The following PRKCA variants were observed in gnomAD, a reference collection of about 807,000 sequenced individuals.
The protein encoded by PRKCA is protein kinase C alpha type.
Under a neutral mutation model 87.0 loss-of-function variants are expected in PRKCA, and 27 were observed. That is an observed-to-expected ratio of 0.31 (90% CI 0.23 to 0.43). The LOEUF (loss-of-function observed/expected upper bound fraction) is 0.43, where lower values mean the gene tolerates loss of function less well. Among genes scored for constraint, PRKCA ranks in the 20% least tolerant of loss-of-function variants. The pLI, the probability that PRKCA is intolerant of heterozygous loss-of-function variation, is 1.00. For synonymous variants in PRKCA, 329 were observed against 311.1 expected (o/e 1.06, Z -0.61); for missense variants, 518 against 852.3 (o/e 0.61, Z 4.88).
chr17:66,607,712 C>T (rs1189584413), intron 3 of PRKCA, among the ~76,000 whole-genome samples: 2 of 152,106 alleles, frequency 1.3e-5, no homozygotes, highest in African/African-American at 4.8e-5. Context: ...CACAAGCAGT[C>T]CGGTATTTGG....
intron 13 of PRKCA, among the ~76,000 whole-genome samples, chr17:66,754,417 C>A (rs548564125): frequency 6.6e-6 from 1 of 152,226 alleles, no homozygotes; most frequent in East Asian, 1.9e-4. Flanking sequence ...CTGGCCCCAT[C>A]TGCCACCTCC....
chr17:66,548,476 G>C (rs1968216491), intron 3 of PRKCA, among the ~76,000 whole-genome samples: 1 of 152,164 alleles, frequency 6.6e-6, no homozygotes, highest in Admixed American at 6.5e-5. Flanking sequence ...TTAGCAAGCT[G>C]CCTACCAGGC....
chr17:66,757,848 T>C (rs1198010274), intron 13 of PRKCA, among the ~76,000 whole-genome samples: 2 of 152,094 alleles, frequency 1.3e-5, no homozygotes, highest in African/African-American at 4.8e-5. Context: ...CCTCAGCCTC[T>C]CGAGTAGCTG....
At chr17:66,648,576 A>G (rs1003761404) in intron 5 of PRKCA, among the ~76,000 whole-genome samples, 6 of 152,210 alleles carry the variant, frequency 3.9e-5, no homozygotes, top group African/African-American at 1.4e-4. Context: ...TCTATTTTTA[A>G]AGTACAGTTA....
chr17:66,646,283 G>A lies in PRKCA; in HGVS notation c.529+772G>A, dbSNP rs188274114. Among the ~76,000 whole-genome samples the A allele has an allele frequency of 6.0e-4, 92 of 152,284 alleles. No individual in the cohort carries two copies. The East Asian group carries it at 9.5e-3, about 16-fold the overall frequency. On this transcript the variant is annotated intron_variant, in intron 5 of 16. Coordinates refer to ENST00000413366, the MANE Select transcript of PRKCA (RefSeq NM_002737.3). ...CTCTGCCACAACATGGCTTTTTCCT[G>A]TGGTTTTCCCACCAAATCCACTTTC...
At chr17:66,627,962 T>C (rs1009392090) in intron 3 of PRKCA, among the ~76,000 whole-genome samples, 2 of 152,210 alleles carry the variant, frequency 1.3e-5, no homozygotes, top group African/African-American at 4.8e-5. Context: ...TGTGGAGGCT[T>C]TGAGCAGTCA....
At chr17:66,437,620 G>A (rs1913464257) in intron 2 of PRKCA, among the ~76,000 whole-genome samples, 2 of 151,970 alleles carry the variant, frequency 1.3e-5, no homozygotes, top group African/African-American at 4.8e-5. Flanking sequence ...TTGCTTGGCA[G>A]TCCCCCGAGC....
At chr17:66,631,065 C>G (rs1970998397) in intron 3 of PRKCA, among the ~76,000 whole-genome samples, 1 of 152,120 alleles carries the variant, frequency 6.6e-6, no homozygotes, top group African/African-American at 2.4e-5. Context: ...TCTGCCATTT[C>G]TTTTTTTCCT....
chr17:66,309,023 A>C (rs1904962853), intron 2 of PRKCA, among the ~76,000 whole-genome samples: 1 of 152,178 alleles, frequency 6.6e-6, no homozygotes, highest in Non-Finnish European at 1.5e-5. Flanking sequence ...TATTCCTCAT[A>C]CATCAGATTA....
chr17:66,367,708 A>G (rs984399289), intron 2 of PRKCA, among the ~76,000 whole-genome samples: 2 of 152,202 alleles, frequency 1.3e-5, no homozygotes, highest in African/African-American at 4.8e-5. Context: ...TCCTGGCCTC[A>G]TAAGACCAGG....
intron 3 of PRKCA, among the ~76,000 whole-genome samples, chr17:66,548,540 A>G (rs895882411): frequency 6.6e-6 from 1 of 152,168 alleles, no homozygotes; most frequent in Non-Finnish European, 1.5e-5. Flanking sequence ...ACAACAACCC[A>G]TTAAGATAGG....
intron 2 of PRKCA, among the ~76,000 whole-genome samples, chr17:66,410,491 T>TA (rs1170580255): frequency 4.6e-5 from 7 of 152,184 alleles, no homozygotes; most frequent in Non-Finnish European, 8.8e-5. Context: ...CACCTTAGCT[T>TA]AAAAAATATT....
chr17:66,380,942 T>TA (rs1567799637), intron 2 of PRKCA, among the ~76,000 whole-genome samples: 3 of 143,262 alleles, frequency 2.1e-5, no homozygotes, highest in South Asian at 4.5e-4. Flanking sequence ...TTTTTATTTT[T>TA]CTTTTTTTTT....
At chr17:66,758,229 T>G (rs1263305990) in intron 13 of PRKCA, among the ~76,000 whole-genome samples, 1 of 152,202 alleles carries the variant, frequency 6.6e-6, no homozygotes, top group Non-Finnish European at 1.5e-5. Flanking sequence ...CAGAAAATTT[T>G]TGTGCTCTGA....
chr17:66,711,043 AAAAATAAATAAAT>A (rs1179053807), intron 8 of PRKCA, among the ~76,000 whole-genome samples: 5 of 151,974 alleles, frequency 3.3e-5, no homozygotes, highest in African/African-American at 1.2e-4. Context: ...ACTCCATCTC[AAAAATAAATAAAT>A]AAAATAAATA....
chr17:66,360,353 C>G (rs1908316152), intron 2 of PRKCA, among the ~76,000 whole-genome samples: 1 of 152,110 alleles, frequency 6.6e-6, no homozygotes, highest in African/African-American at 2.4e-5. Context: ...AGGGGAAAGG[C>G]CTGGAGAGCA....
At chr17:66,781,545 C>T (rs1003554130) in intron 14 of PRKCA, among the ~76,000 whole-genome samples, 2 of 152,118 alleles carry the variant, frequency 1.3e-5, no homozygotes, top group African/African-American at 2.4e-5. Flanking sequence ...TTACTGATAC[C>T]GGAAGGCACA....
intron 2 of PRKCA, among the ~76,000 whole-genome samples, chr17:66,471,236 C>T (rs1235431706): frequency 6.6e-6 from 1 of 152,194 alleles, no homozygotes; most frequent in African/African-American, 2.4e-5. Flanking sequence ...GTAAGTGATA[C>T]ATCACAAAGA....
chr17:66,530,585 C>T (rs1010714613), intron 3 of PRKCA, among the ~76,000 whole-genome samples: 4 of 152,134 alleles, frequency 2.6e-5, no homozygotes, highest in Non-Finnish European at 5.9e-5. Context: ...CATTCTCTGT[C>T]CTTTGCTCCA....
Sources: gnomAD v4.1 joint callset for allele counts (sites outside exome capture counted in the v4.1 genomes callset) on GRCh38, gnomAD v4.1.1 for gene constraint, MANE v1.5 for transcripts, NCBI Gene and HGNC (gene_info 2026-07-23, HGNC 2026-07-21) for gene names.